MYO10: variants seen among roughly 807,000 people sequenced by gnomAD.
MYO10 encodes the protein myosin X, also known as unconventional myosin-X.
MYO10 carries 133 observed loss-of-function variants against 257.3 expected under a neutral mutation model. The ratio of observed to expected loss-of-function variants is 0.52; its 90% CI spans 0.45 to 0.60. The LOEUF (loss-of-function observed/expected upper bound fraction) is 0.60, where lower values mean the gene tolerates loss of function less well. MYO10 is among the 20% of genes least tolerant of loss of function. MYO10 has a pLI of 0.00. For synonymous variants in MYO10, 1,104 were observed against 1,028.6 expected, an observed-to-expected ratio of 1.07 and a Z score of -1.40; for missense variants, 2,399 against 2,635.7, an observed-to-expected ratio of 0.91 and a Z score of 1.97.
intron 2 of MYO10, among the ~76,000 whole-genome samples, chr5:16,866,925 ACC>A: frequency 6.6e-6 from 1 of 151,982 alleles, no homozygotes; most frequent in Non-Finnish European, 1.5e-5. Context: ...GCCCTCCCGG[ACC>A]CCAGGTGGTC....
rs1738247668 is a variant in MYO10, at chr5:16,704,672, T to C, written c.2183A>G (p.Glu728Gly). The change falls in exon 22 of 41, where the codon GAA becomes GGA. Residue 728 changes from glutamate (E) to glycine (G), a missense_variant. Around this residue, in one of 3 missense-constraint regions of MYO10, gnomAD observed 1,820 missense variants for 1,939.4 expected, o/e 0.94. Transcript: ENST00000513610. ...QLGKTKVFLRESLEQKLEKRR... is the reference protein window; with the variant it reads ...QLGKTKVFLRGSLEQKLEKRR... ...CTTCTCCAGTTTCTGTTCCAAGGAT[T>C]CTCGAAGAAAGACCTGCTCAGGACG... The C allele has an allele frequency of 6.2e-7, 1 of 1,613,774 alleles. No homozygotes were observed.
chr5:16,830,484 G>A (rs925367622), intron 2 of MYO10, among the ~76,000 whole-genome samples: 2 of 151,602 alleles, frequency 1.3e-5, no homozygotes, highest in Non-Finnish European at 2.9e-5. Flanking sequence ...CACTATGCAG[G>A]CCAAGTCTAT....
rs747810912 is a variant in MYO10 at position 16,758,217 on chromosome 5, A to G, written c.1749T>C (p.Phe583=). 21 of 1,608,978 alleles carry G rather than the reference A, an allele frequency of 1.3e-5. No individual in the cohort carries two copies. Among genetic ancestry groups the G allele is most frequent in the Non-Finnish European group, 1.6e-5 (19 of 1,175,468 alleles). ...AAACATGTTCAAAAAGATCGTAGATAAAGTCAAATCTGTGTGAGGCAAGAG... is the reference window on the plus strand; with the variant it reads ...AAACATGTTCAAAAAGATCGTAGATGAAGTCAAATCTGTGTGAGGCAAGAG... ...LNLLRESRFD[F]IYDLFEHVSS... Residue 583 remains phenylalanine (F), a synonymous_variant, in exon 18 of 41, where the codon TTT becomes TTC. Coordinates refer to ENST00000513610, the MANE Select transcript of MYO10 (RefSeq NM_012334.3).
intron 1 of MYO10, among the ~76,000 whole-genome samples, chr5:16,920,984 G>C (rs1033382618): frequency 2.2e-4 from 34 of 152,200 alleles, no homozygotes; most frequent in African/African-American, 7.2e-4. Flanking sequence ...GGGGCGTGGT[G>C]GTGGGCGCCT....
intron 2 of MYO10, among the ~76,000 whole-genome samples, chr5:16,872,406 T>C (rs1744478831): frequency 1.3e-5 from 2 of 152,182 alleles, no homozygotes; most frequent in Middle Eastern, 3.2e-3. Flanking sequence ...TTAGTGGGCA[T>C]AGAGTTTCAG....
At chr5:16,929,460 C>T (rs566698774) in intron 1 of MYO10, among the ~76,000 whole-genome samples, 1 of 152,274 alleles carries the variant, frequency 6.6e-6, no homozygotes, top group South Asian at 2.1e-4. Flanking sequence ...GACAGAAAAG[C>T]ATGGCAGTGA....
intron 1 of MYO10, among the ~76,000 whole-genome samples, chr5:16,889,665 T>G (rs2126773077): frequency 6.6e-6 from 1 of 151,578 alleles, no homozygotes; most frequent in Non-Finnish European, 1.5e-5. Flanking sequence ...CACTAAGAAC[T>G]CTCAAAAACT....
In MYO10 at chr5:16,666,737, G is replaced by C; in HGVS notation, c.6132C>G (p.Arg2044=). The C allele has an allele frequency of 6.2e-7, 1 of 1,608,198 alleles. No homozygotes were observed. Among genetic ancestry groups the C allele is most frequent in the Non-Finnish European group, 8.5e-7 (1 of 1,178,524 alleles). ...TGCTGGCGGAGCGTGTCGTGCTGTA[G>C]CGCTTCTTCACGATCATGCTGATGT... is the stretch of plus-strand genomic sequence containing the variant. The part of the protein sequence containing the change: ...KAYISMIVKK[R]YSTTRSASSQ... The change falls in exon 41 of 41, where the codon CGC becomes CGG. Residue 2044 remains arginine (R), a synonymous_variant. Transcript: ENST00000513610.
chr5:16,764,184 AT>A, intron 12 of MYO10, 65 bp downstream of exon 12: 1 of 1,537,854 alleles, frequency 6.5e-7, no homozygotes, highest in Non-Finnish European at 8.8e-7. Context: ...GCTCACAGAG[AT>A]TTGTTCAATA....
At chr5:16,715,729 C>T (rs1738839746) in intron 19 of MYO10, among the ~76,000 whole-genome samples, 2 of 152,004 alleles carry the variant, frequency 1.3e-5, no homozygotes, top group South Asian at 2.1e-4. Flanking sequence ...GACATAAGAA[C>T]CATATCTCAA....
rs564518497 is a variant in MYO10 at position 16,707,929 on chromosome 5, G to A, written c.2169+2979C>T. Among the ~76,000 whole-genome samples, 6 of 152,314 alleles carry A rather than the reference G, an allele frequency of 3.9e-5. No individual in the cohort carries two copies. In the East Asian group the frequency reaches 1.2e-3, roughly 29 times the overall value. On this transcript the variant is annotated intron_variant, in intron 21 of 40. Transcript: ENST00000513610. ...GCTGCCTTCGACACTGGCTAAACTTGCCTGTTGTGTACGGCAGACATTCCT... is the reference window on the plus strand; with the variant it reads ...GCTGCCTTCGACACTGGCTAAACTTACCTGTTGTGTACGGCAGACATTCCT...
intron 19 of MYO10, among the ~76,000 whole-genome samples, chr5:16,726,336 T>C (rs1391665695): frequency 1.3e-5 from 2 of 152,188 alleles, no homozygotes; most frequent in Non-Finnish European, 2.9e-5. Flanking sequence ...GTAGTAACAG[T>C]ACAAGTAGTA....
chr5:16,691,137 G>A (rs1484799778), intron 27 of MYO10, among the ~76,000 whole-genome samples: 2 of 151,920 alleles, frequency 1.3e-5, no homozygotes, highest in African/African-American at 4.8e-5. Flanking sequence ...GGGTGAGGTG[G>A]CAGGTACCTG....
chr5:16,670,047 A>G (rs936945585), intron 39 of MYO10, among the ~76,000 whole-genome samples: 1 of 152,170 alleles, frequency 6.6e-6, no homozygotes, highest in African/African-American at 2.4e-5. Flanking sequence ...ATTTCTTTTC[A>G]ATAAGCGGTC....
intron 1 of MYO10, among the ~76,000 whole-genome samples, chr5:16,906,839 C>T (rs1318505227): frequency 1.3e-5 from 2 of 152,122 alleles, no homozygotes; most frequent in Non-Finnish European, 1.5e-5. Context: ...TGGCCAGGCA[C>T]GGTGGCTCAC....
intron 37 of MYO10, 135 bp downstream of exon 37, chr5:16,672,554 G>A (rs1579791590): frequency 1.0e-6 from 1 of 973,450 alleles, no homozygotes; most frequent in Non-Finnish European, 1.5e-6. Context: ...AGTTAAACAG[G>A]CATCAACACA....
rs746751894 is a variant in MYO10 at position 16,762,115 on chromosome 5, TAA to T, written c.1588-4_1588-3del. 0.12 allele frequency: 66,814 copies of T among 552,688 alleles called. 435 individuals are homozygous for T. Among genetic ancestry groups the T allele is most frequent in the East Asian group, 0.15 (3,772 of 25,364 alleles). 34.2% of individuals were successfully genotyped at this position (552,688 alleles called of 1,614,324 possible). A position where few individuals can be genotyped will look rare whatever the true frequency, so the allele number is the denominator to read the frequency against. ...GGGCTTCACATAAAAGTGGTTATTC[TAA>T]AAAAAAAAAAAAAAAAAAAAAAAAA... is the stretch of plus-strand genomic sequence containing the variant. On this transcript the variant is annotated splice_polypyrimidine_tract_variant and splice_region_variant and intron_variant, in intron 15 of 40. Coordinates refer to ENST00000513610, the MANE Select transcript of MYO10 (RefSeq NM_012334.3).
Position 16,877,614 on chromosome 5 carries a change from C to G in MYO10, c.115G>C (p.Gly39Arg), listed in dbSNP as rs763836086. 6.2e-7 allele frequency: 1 copy of G among 1,612,224 alleles called. No individual in the cohort carries two copies. Among genetic ancestry groups the G allele is most frequent in the African/African-American group, 1.3e-5 (1 of 74,864 alleles). ...CTGCAGGGACTTGTTCTCACCTGAC[C>G]ATAGTCTGTCCGGAAGACGACGATG... ...EGIVVFRTDY[G>R]QVFTYKQSTI... Residue 39 changes from glycine to arginine, a missense_variant, in exon 2 of 41, where the codon GGT becomes CGT. Around this residue, in one of 3 missense-constraint regions of MYO10, gnomAD observed 242 missense variants for 249.5 expected, o/e 0.97. Transcript: ENST00000513610.
At chr5:16,763,239 G>A (rs1740772842) in intron 14 of MYO10, among the ~76,000 whole-genome samples, 1 of 152,058 alleles carries the variant, frequency 6.6e-6, no homozygotes. Flanking sequence ...AAAATCTAAG[G>A]GAAGCCAATT....
Sources: allele counts gnomAD v4.1 joint callset (sites outside exome capture counted in the v4.1 genomes callset), GRCh38; gene constraint gnomAD v4.1.1; regional missense constraint gnomAD v4.1.1; transcripts MANE v1.5; gene names NCBI Gene and HGNC (gene_info 2026-07-23, HGNC 2026-07-21).